Variants in ATF2 observed in about 807,000 individuals in gnomAD.
ATF2 encodes activating transcription factor 2.
ATF2 carries 24 observed loss-of-function variants against 60.6 expected under a neutral mutation model. The ratio of observed to expected loss-of-function variants is 0.40; its 90% CI spans 0.29 to 0.56. The LOEUF (loss-of-function observed/expected upper bound fraction) is 0.56, where lower values mean the gene tolerates loss of function less well. ATF2 is among the 20% of genes least tolerant of loss of function. The probability of loss-of-function intolerance (pLI) is 0.54; values close to 1 mark genes in which losing one functional copy is unlikely to be tolerated. For synonymous variants in ATF2, 206 were observed against 215.4 expected, an observed-to-expected ratio of 0.96 and a Z score of 0.38; for missense variants, 433 against 607.7, an observed-to-expected ratio of 0.71 and a Z score of 3.02.
intron 10 of ATF2, among the ~76,000 whole-genome samples, chr2:175,101,367 T>C (rs1391128317): frequency 2.6e-5 from 4 of 152,214 alleles, no homozygotes; most frequent in African/African-American, 4.8e-5. Context: ...TGCATATTTA[T>C]ATATTTTATA....
rs753058454 is a variant in ATF2 at position 175,074,561 on chromosome 2, T to G, written c.*48A>C. On this transcript the variant is annotated 3_prime_UTR_variant, in exon 14 of 14. Transcript: ENST00000264110. Reference sequence around the variant, plus strand: ...AAACTGGTCTTTCCTTGATTTCCCTTTGAAGTCACTAATGAGTATCTAAAA... The same window carrying G: ...AAACTGGTCTTTCCTTGATTTCCCTGTGAAGTCACTAATGAGTATCTAAAA... The G allele has an allele frequency of 6.5e-7, 1 of 1,549,460 alleles. No homozygotes were observed. The highest frequency in any genetic ancestry group is 8.8e-7 in the Non-Finnish European group (1 of 1,142,558).
At chr2:175,093,327 G>C (rs186064186) in intron 11 of ATF2, 60 bp from the exon 12 acceptor site, 1 of 1,521,030 alleles carries the variant, frequency 6.6e-7, no homozygotes, top group Non-Finnish European at 9.0e-7. Context: ...ATTAACATAG[G>C]CAGTAAAGGG....
In ATF2 at chr2:175,140,495, G is replaced by A. The variant is rs540897572; in HGVS notation, c.-43-4009C>T. Among the ~76,000 whole-genome samples, 4 of 152,278 alleles carry A rather than the reference G, an allele frequency of 2.6e-5. No individual in the cohort carries two copies. In the South Asian group the frequency reaches 6.2e-4, roughly 24 times the overall value. On this transcript the variant is annotated intron_variant, in intron 2 of 13. Coordinates refer to ENST00000264110, the MANE Select transcript of ATF2 (RefSeq NM_001880.4). The stretch of plus-strand genomic sequence containing the variant: ...TGAGGGACAGGAGTAGAAGGAGTGG[G>A]AGGGAAGGATTACAAAGGGGCATGA...
At chr2:175,115,765 A>T (rs1696510902) in intron 7 of ATF2, among the ~76,000 whole-genome samples, 2 of 152,318 alleles carry the variant, frequency 1.3e-5, no homozygotes, top group Non-Finnish European at 2.9e-5. Context: ...AAAACAAGTA[A>T]GAAAATTTCA....
At chr2:175,112,691 C>T (rs1428797623) in intron 9 of ATF2, among the ~76,000 whole-genome samples, 1 of 152,132 alleles carries the variant, frequency 6.6e-6, no homozygotes, top group Non-Finnish European at 1.5e-5. Context: ...TCAAGTGATC[C>T]TCCCACCTCA....
intron 10 of ATF2, among the ~76,000 whole-genome samples, chr2:175,108,353 C>T (rs1695875711): frequency 1.3e-5 from 2 of 151,350 alleles, no homozygotes; most frequent in Admixed American, 6.6e-5. Context: ...CCAGCCGCCT[C>T]GTCCGGGAGG....
chr2:175,089,957 A>T (rs1235335250), intron 12 of ATF2, among the ~76,000 whole-genome samples: 1 of 152,196 alleles, frequency 6.6e-6, no homozygotes, highest in Non-Finnish European at 1.5e-5. Flanking sequence ...TATTAATAAG[A>T]AAGCATTATG....
At chr2:175,155,146 T>C (rs1699592680) in intron 1 of ATF2, among the ~76,000 whole-genome samples, 1 of 152,190 alleles carries the variant, frequency 6.6e-6, no homozygotes, top group African/African-American at 2.4e-5. Flanking sequence ...TCAGCTTCTG[T>C]ATCTTCATCT....
At chr2:175,108,175 G>A (rs928939811) in intron 10 of ATF2, among the ~76,000 whole-genome samples, 23 of 151,478 alleles carry the variant, frequency 1.5e-4, no homozygotes, top group Admixed American at 3.9e-4. Context: ...GCCTCTGCCC[G>A]GCCGCGACCC....
intron 2 of ATF2, among the ~76,000 whole-genome samples, chr2:175,140,159 A>T (rs920962574): frequency 6.6e-6 from 1 of 152,220 alleles, no homozygotes. Flanking sequence ...TCATTCTGGA[A>T]TGTTTACAAT....
rs1034423834 is a variant in ATF2, at chr2:175,072,576, A to C, written c.*2033T>G. ...CTGTTACCAAAGAACCTTAACTTGC[A>C]TAAGTAATAAGATGAAAGAAAAATG... On this transcript the variant is annotated 3_prime_UTR_variant, in exon 14 of 14. Coordinates refer to ENST00000264110, the MANE Select transcript of ATF2 (RefSeq NM_001880.4). 1 of 152,178 alleles carries C rather than the reference A, an allele frequency of 6.6e-6. No individual in the cohort carries two copies. Among genetic ancestry groups the C allele is most frequent in the Admixed American group, 6.5e-5 (1 of 15,268 alleles). The allele number at this position is 152,178 out of a possible 1,614,324, so 9.4% of individuals were successfully genotyped here.
intron 1 of ATF2, among the ~76,000 whole-genome samples, chr2:175,165,428 TGATCTAACAC>T (rs1188102267): frequency 1.3e-5 from 2 of 152,258 alleles, no homozygotes; most frequent in Non-Finnish European, 2.9e-5. Context: ...ATTGTTTACC[TGATCTAACAC>T]GATCTAACAA....
chr2:175,154,877 C>T (rs1699569457), intron 1 of ATF2, among the ~76,000 whole-genome samples: 1 of 152,050 alleles, frequency 6.6e-6, no homozygotes, highest in African/African-American at 2.4e-5. Flanking sequence ...GAAACAGGGC[C>T]CAAAAAGTAG....
intron 12 of ATF2, among the ~76,000 whole-genome samples, chr2:175,088,196 A>G (rs1694295950): frequency 6.6e-6 from 1 of 152,200 alleles, no homozygotes; most frequent in African/African-American, 2.4e-5. Flanking sequence ...TCAGAATAAA[A>G]TGCATGAGAT....
At chr2:175,137,637 A>C (rs911681673) in intron 2 of ATF2, among the ~76,000 whole-genome samples, 7 of 152,184 alleles carry the variant, frequency 4.6e-5, no homozygotes, top group African/African-American at 1.7e-4. Flanking sequence ...TTAAAATATT[A>C]TGAGAGTAGA....
chr2:175,108,221 C>T (rs192738689), intron 10 of ATF2, among the ~76,000 whole-genome samples: 10,506 of 151,830 alleles, frequency 0.069, 369 homozygotes, highest in East Asian at 0.12. Flanking sequence ...GCCCGGCAGC[C>T]GCCCCATCTG....
intron 12 of ATF2, among the ~76,000 whole-genome samples, chr2:175,085,223 A>T (rs1214527402): frequency 6.6e-6 from 1 of 152,186 alleles, no homozygotes; most frequent in Non-Finnish European, 1.5e-5. Flanking sequence ...TTGGCTAGCT[A>T]AGTGATATAA....
chr2:175,115,955 T>C (rs909232420), intron 7 of ATF2, among the ~76,000 whole-genome samples: 52 of 152,068 alleles, frequency 3.4e-4, no homozygotes, highest in African/African-American at 1.2e-3. Context: ...CATTTCATTG[T>C]AGGGAGAAGG....
At chr2:175,113,962 C>T (rs1311297319) in intron 9 of ATF2, 32 bp downstream of exon 9, 19 of 1,540,554 alleles carry the variant, frequency 1.2e-5, no homozygotes, top group African/African-American at 5.5e-5. Context: ...ATCAGTTTTG[C>T]GATAGAGATT....
Sources: gnomAD v4.1 joint callset for allele counts (sites outside exome capture counted in the v4.1 genomes callset) on GRCh38, gnomAD v4.1.1 for gene constraint, MANE v1.5 for transcripts, NCBI Gene and HGNC (gene_info 2026-07-23, HGNC 2026-07-21) for gene names.